Variants in INSC observed in about 807,000 individuals in gnomAD.
The protein encoded by INSC is INSC spindle orientation adaptor protein.
A neutral mutation model predicts 58.6 loss-of-function variants in INSC; 67 were observed. The ratio of observed to expected loss-of-function variants is 1.14; its 90% CI spans 0.94 to 1.40. The LOEUF is 1.40. Among genes scored for constraint, INSC ranks in the 40% most tolerant of loss-of-function variants. The pLI, the probability that INSC is intolerant of heterozygous loss-of-function variation, is 0.00. For missense variants in INSC, 714 were observed against 692.0 expected (o/e 1.03, Z -0.36); for synonymous variants, 262 against 276.1 (o/e 0.95, Z 0.51).
At chr11:15,225,614 G>A in intron 8 of INSC, 36 bp from the exon 9 acceptor site, 1 of 1,593,038 alleles carries the variant, frequency 6.3e-7, no homozygotes, top group Non-Finnish European at 8.6e-7. Flanking sequence ...GAAAACACTT[G>A]GCACGGAAGT....
chr11:15,217,217 C>A (rs1851252684), intron 7 of INSC, among the ~76,000 whole-genome samples: 1 of 152,098 alleles, frequency 6.6e-6, no homozygotes, highest in Non-Finnish European at 1.5e-5. Flanking sequence ...ATGGCAGCAG[C>A]AAGGAGAAGT....
intron 7 of INSC, among the ~76,000 whole-genome samples, chr11:15,217,881 A>G (rs1851279903): frequency 6.6e-6 from 1 of 152,242 alleles, no homozygotes; most frequent in Non-Finnish European, 1.5e-5. Flanking sequence ...AAATCTGCCA[A>G]TAGCAAGTAT....
At chr11:15,266,300 G>A in the INSC span, among the ~76,000 whole-genome samples, 1 of 151,268 alleles carries the variant, frequency 6.6e-6, no homozygotes, top group East Asian at 1.9e-4. Flanking sequence ...GATTTGAATT[G>A]CAAGGACATG....
chr11:15,166,028 T>A (rs1299187020), intron 2 of INSC, among the ~76,000 whole-genome samples: 2 of 152,176 alleles, frequency 1.3e-5, no homozygotes, highest in Non-Finnish European at 2.9e-5. Flanking sequence ...GGGGCAGGGA[T>A]CACCAGAACA....
At chr11:15,145,437 T>C (rs1848469289) in intron 1 of INSC, among the ~76,000 whole-genome samples, 1 of 152,160 alleles carries the variant, frequency 6.6e-6, no homozygotes, top group South Asian at 2.1e-4. Context: ...CTGTGTAGCT[T>C]TGGAAGGGGT....
intron 2 of INSC, among the ~76,000 whole-genome samples, chr11:15,169,851 C>T (rs140333486): frequency 2.4e-4 from 36 of 152,248 alleles, no homozygotes; most frequent in Middle Eastern, 3.4e-3. Flanking sequence ...TGATTGCTGA[C>T]GTCTTATATT....
chr11:15,128,264 T>A (rs1848045965), intron 1 of INSC, among the ~76,000 whole-genome samples: 1 of 152,268 alleles, frequency 6.6e-6, no homozygotes, highest in African/African-American at 2.4e-5. Flanking sequence ...TTGCCTGAAT[T>A]ATATCTTTCA....
chr11:15,111,704 A>G (rs775891002), upstream of INSC, among the ~76,000 whole-genome samples: 8 of 152,130 alleles, frequency 5.3e-5, no homozygotes, highest in South Asian at 2.1e-4. Flanking sequence ...GGTGATTTAA[A>G]CCACCTGGCC....
chr11:15,254,659 C>G, the INSC span, among the ~76,000 whole-genome samples: 1 of 151,418 alleles, frequency 6.6e-6, no homozygotes, highest in Non-Finnish European at 1.5e-5. Context: ...AAAATAGCAC[C>G]TAATGGCAAG....
Position 15,235,631 on chromosome 11 carries a change from C to T in INSC, c.1200C>T (p.Val400=). 1 of 1,614,006 alleles carries T rather than the reference C, an allele frequency of 6.2e-7. No individual in the cohort carries two copies. Among genetic ancestry groups the T allele is most frequent in the Non-Finnish European group, 8.5e-7 (1 of 1,179,872 alleles). ...TGACCATCTTGGCAAACATGTCTGT[C>T]CTAGAACAGTGTGCCTCTGACATCA... ...QIVTILANMS[V]LEQCASDIIQ... The change falls in exon 10 of 13, where the codon GTC becomes GTT. Residue 400 remains valine (V), a synonymous_variant. Transcript: ENST00000379556.
intron 7 of INSC, among the ~76,000 whole-genome samples, chr11:15,216,161 C>G (rs1335925850): frequency 6.6e-6 from 1 of 151,960 alleles, no homozygotes; most frequent in Non-Finnish European, 1.5e-5. Flanking sequence ...GAGATGAATG[C>G]AAAGGAGGAG....
chr11:15,245,111 G>A (rs1852508254), intron 12 of INSC, among the ~76,000 whole-genome samples: 1 of 152,196 alleles, frequency 6.6e-6, no homozygotes, highest in Non-Finnish European at 1.5e-5. Context: ...AGAGTCTAGT[G>A]TGGGAGATAA....
At chr11:15,239,478 A>G (rs994539747) in intron 11 of INSC, among the ~76,000 whole-genome samples, 1 of 152,144 alleles carries the variant, frequency 6.6e-6, no homozygotes, top group Non-Finnish European at 1.5e-5. Flanking sequence ...TGACTTCATT[A>G]TTCACTATTA....
intron 1 of INSC, among the ~76,000 whole-genome samples, chr11:15,115,445 C>T (rs532018935): frequency 6.6e-6 from 1 of 152,242 alleles, no homozygotes; most frequent in East Asian, 1.9e-4. Context: ...TATCTGAACT[C>T]AGGCTTTCTA....
At chr11:15,211,506 G>A (rs1851024108) in intron 7 of INSC, among the ~76,000 whole-genome samples, 1 of 152,070 alleles carries the variant, frequency 6.6e-6, no homozygotes, top group Admixed American at 6.5e-5. Context: ...TCTTAATGGT[G>A]TCTTTTGATA....
At chr11:15,158,002 G>A (rs1026644337) in intron 2 of INSC, among the ~76,000 whole-genome samples, 1 of 152,128 alleles carries the variant, frequency 6.6e-6, no homozygotes, top group Non-Finnish European at 1.5e-5. Flanking sequence ...GGAGAAACCA[G>A]GGGAGTCAAC....
chr11:15,241,603 A>G (rs1852358333), intron 12 of INSC: 1 of 702,880 alleles, frequency 1.4e-6, no homozygotes, highest in African/African-American at 1.7e-5. Flanking sequence ...AAAGACAAAC[A>G]TCTCTGCCCT....
chr11:15,263,346 C>T, the INSC span, among the ~76,000 whole-genome samples: 13 of 152,048 alleles, frequency 8.5e-5, no homozygotes, highest in Non-Finnish European at 1.9e-4. Flanking sequence ...ACATCATCAT[C>T]ATTATCCCAT....
chr11:15,145,855 G>A (rs190581951), intron 1 of INSC, among the ~76,000 whole-genome samples: 45 of 152,298 alleles, frequency 3.0e-4, no homozygotes, highest in Non-Finnish European at 5.3e-4. Context: ...AGAGTGCTGG[G>A]CTGTCTGAGA....
Sources: allele counts gnomAD v4.1 joint callset (sites outside exome capture counted in the v4.1 genomes callset), GRCh38; gene constraint gnomAD v4.1.1; transcripts MANE v1.5; gene names NCBI Gene and HGNC (gene_info 2026-07-23, HGNC 2026-07-21).